Variants in APP observed in about 807,000 individuals in gnomAD.
APP encodes amyloid beta precursor protein, also known as amyloid-beta precursor protein.
A neutral mutation model predicts 101.4 loss-of-function variants in APP; 31 were observed. That is an observed-to-expected ratio of 0.31 (90% CI 0.23 to 0.41). APP has a LOEUF of 0.41. Ranked by LOEUF, APP falls within the 10% of genes least tolerant of loss-of-function variation. The pLI is 1.00. For synonymous variants in APP, 366 were observed against 364.4 expected (o/e 1.00, Z -0.05); for missense variants, 839 against 1,003.7 (o/e 0.84, Z 2.22).
At chr21:26,101,633 A>T (rs1402442596) in intron 2 of APP, among the ~76,000 whole-genome samples, 1 of 152,098 alleles carries the variant, frequency 6.6e-6, no homozygotes, top group East Asian at 1.9e-4. Context: ...GAATGAGGGG[A>T]TGGACAGGAT....
At chr21:26,059,104 CATTAAA>C in intron 3 of APP, among the ~76,000 whole-genome samples, 1 of 150,826 alleles carries the variant, frequency 6.6e-6, no homozygotes, top group South Asian at 2.1e-4. Flanking sequence ...ATAATAAAGA[CATTAAA>C]ATAAAAAAAA....
intron 3 of APP, among the ~76,000 whole-genome samples, chr21:26,059,856 A>G (rs1254197426): frequency 7.3e-6 from 1 of 136,236 alleles, no homozygotes; most frequent in Non-Finnish European, 1.5e-5. Flanking sequence ...GCACCACTGC[A>G]GTCCAGACTG....
intron 1 of APP, among the ~76,000 whole-genome samples, chr21:26,167,527 T>C (rs1364842721): frequency 6.6e-6 from 1 of 152,250 alleles, no homozygotes; most frequent in Non-Finnish European, 1.5e-5. Context: ...CTATGCTTAT[T>C]TCCAGAATGA....
intron 1 of APP, among the ~76,000 whole-genome samples, chr21:26,166,378 G>A (rs2063609321): frequency 1.3e-5 from 2 of 152,066 alleles, no homozygotes; most frequent in Non-Finnish European, 2.9e-5. Flanking sequence ...GTTTCCAAGG[G>A]TTTGCAAAAG....
At chr21:26,116,170 T>C (rs1016183510) in intron 1 of APP, among the ~76,000 whole-genome samples, 3 of 152,192 alleles carry the variant, frequency 2.0e-5, no homozygotes, top group African/African-American at 7.2e-5. Flanking sequence ...ATTCATAAAT[T>C]GCCTCAAAAG....
intron 8 of APP, among the ~76,000 whole-genome samples, chr21:25,985,032 G>A (rs1453189803): frequency 6.6e-6 from 1 of 152,102 alleles, no homozygotes; most frequent in Non-Finnish European, 1.5e-5. Flanking sequence ...ATAAAGGAAA[G>A]AAGATAAACA....
chr21:26,027,841 G>C (rs117961201), intron 5 of APP, among the ~76,000 whole-genome samples: 2 of 152,114 alleles, frequency 1.3e-5, no homozygotes, highest in African/African-American at 2.4e-5. Context: ...AGCCCACCTG[G>C]GGCCCTAGGT....
intron 9 of APP, among the ~76,000 whole-genome samples, chr21:25,978,640 A>G (rs1421229814): frequency 2.0e-5 from 3 of 152,190 alleles, no homozygotes; most frequent in African/African-American, 7.2e-5. Context: ...CGCTCTTAAA[A>G]TGTTGCTGCT....
At position 25,924,411 on chromosome 21, in the gene APP, CAAAAA is replaced by C. The variant is rs551284093; in HGVS notation, c.1688-12454_1688-12450del. 1.9e-4 allele frequency among the ~76,000 whole-genome samples: 11 copies of C among 56,842 alleles called. No individual in the cohort carries two copies. The South Asian group carries it at 0.012, about 64-fold the overall frequency. The allele number at this position is 56,842 out of a possible 152,430, so 37.3% of individuals were successfully genotyped here. On this transcript the variant is annotated intron_variant, in intron 13 of 17. Transcript: ENST00000346798. Reference sequence around the variant, plus strand: ...AAAAAAAGATTTGAATTTGCAAATACAAAAAAAAAAAAAAAAGGAAAAAAAAAAAG... The same window carrying C: ...AAAAAAAGATTTGAATTTGCAAATACAAAAAAAAAAAGGAAAAAAAAAAAG...
chr21:26,000,151 C>G lies in APP; in HGVS notation c.897G>C (p.Pro299=), dbSNP rs201294669. ...EVCSEQAETG[P]CRAMISRWYF... ...ACCAGCGGGAGATCATTGCTCGGCACGGCCCCGTCTCGGCTTGTTCAGAGC... is the reference window on the plus strand; with the variant it reads ...ACCAGCGGGAGATCATTGCTCGGCAGGGCCCCGTCTCGGCTTGTTCAGAGC... Residue 299 remains proline (P), a synonymous_variant, in exon 7 of 18, where the codon CCG becomes CCC. Coordinates refer to ENST00000346798, the MANE Select transcript of APP (RefSeq NM_000484.4). 3 of 1,614,204 alleles carry G rather than the reference C, an allele frequency of 1.9e-6. No homozygotes were observed. Among genetic ancestry groups the G allele is most frequent in the Non-Finnish European group, 2.5e-6 (3 of 1,180,034 alleles).
chr21:25,920,371 A>G (rs946638818), intron 13 of APP, among the ~76,000 whole-genome samples: 213 of 152,344 alleles, frequency 1.4e-3, no homozygotes, highest in Non-Finnish European at 1.7e-3. Context: ...AAATTCACAC[A>G]TAACAGTATT....
At chr21:26,058,908 C>T (rs889112688) in intron 3 of APP, among the ~76,000 whole-genome samples, 25 of 152,038 alleles carry the variant, frequency 1.6e-4, no homozygotes, top group African/African-American at 4.3e-4. Flanking sequence ...GGTGAAACCC[C>T]GTCTCTACTA....
intron 13 of APP, among the ~76,000 whole-genome samples, chr21:25,912,355 G>A (rs942930908): frequency 6.6e-6 from 1 of 152,160 alleles, no homozygotes; most frequent in Non-Finnish European, 1.5e-5. Context: ...TTGGTGTGGC[G>A]GCAGTAAGTG....
Position 25,886,624 on chromosome 21 carries a change from G to C in APP, c.2212-4853C>G, listed in dbSNP as rs980345352. 5.3e-5 allele frequency among the ~76,000 whole-genome samples: 8 copies of C among 152,056 alleles called. 1 individual carries two copies. Among genetic ancestry groups the C allele is most frequent in the Middle Eastern group, 3.4e-3 (1 of 294 alleles). On this transcript the variant is annotated intron_variant, in intron 17 of 17. Transcript: ENST00000346798. ...TGGCCAGGCTGGACTCGAACTCCTA[G>C]CCTCAAGTGATCCACCTGCCTTGGC...
At chr21:26,131,457 A>G (rs1021424388) in intron 1 of APP, among the ~76,000 whole-genome samples, 2 of 152,184 alleles carry the variant, frequency 1.3e-5, no homozygotes, top group African/African-American at 4.8e-5. Context: ...AGTCACTCAT[A>G]TATTTGTTGG....
intron 6 of APP, among the ~76,000 whole-genome samples, chr21:26,021,205 G>A (rs1259648834): frequency 6.6e-6 from 1 of 151,948 alleles, no homozygotes; most frequent in African/African-American, 2.4e-5. Flanking sequence ...GTGCCACCAC[G>A]CCTGGCTCAT....
At chr21:25,913,088 A>G (rs547237199) in intron 13 of APP, among the ~76,000 whole-genome samples, 11 of 152,358 alleles carry the variant, frequency 7.2e-5, no homozygotes, top group Admixed American at 4.6e-4. Flanking sequence ...GAAAATGAAA[A>G]TAAGATCAGG....
chr21:26,075,799 A>G (rs1230269514), intron 3 of APP, among the ~76,000 whole-genome samples: 1 of 152,126 alleles, frequency 6.6e-6, no homozygotes, highest in Non-Finnish European at 1.5e-5. Context: ...TAATGAACCA[A>G]CTTAGTTCTA....
intron 17 of APP, among the ~76,000 whole-genome samples, chr21:25,888,613 A>T (rs1442793244): frequency 6.6e-6 from 1 of 152,190 alleles, no homozygotes; most frequent in East Asian, 1.9e-4. Context: ...TCTCCAGTAG[A>T]CAGCAAAATG....
Sources: allele counts gnomAD v4.1 joint callset (sites outside exome capture counted in the v4.1 genomes callset), GRCh38; gene constraint gnomAD v4.1.1; transcripts MANE v1.5; gene names NCBI Gene and HGNC (gene_info 2026-07-23, HGNC 2026-07-21).